LRRIQ3: variants seen among roughly 807,000 people sequenced by gnomAD.
LRRIQ3 encodes leucine-rich repeat and IQ domain-containing protein 3.
Under a neutral mutation model 59.3 loss-of-function variants are expected in LRRIQ3, and 75 were observed. That is an observed-to-expected ratio of 1.26 (90% CI 1.05 to 1.53). The LOEUF is 1.53. LRRIQ3 is among the 40% of genes most tolerant of loss of function. LRRIQ3 has a pLI of 0.00. For missense variants in LRRIQ3, 831 were observed against 710.0 expected, an observed-to-expected ratio of 1.17 and a Z score of -1.94; for synonymous variants, 250 against 231.3, an observed-to-expected ratio of 1.08 and a Z score of -0.73.
chr1:74,036,899 T>C (rs1653889078), intron 7 of LRRIQ3, among the ~76,000 whole-genome samples: 1 of 152,248 alleles, frequency 6.6e-6, no homozygotes, highest in Non-Finnish European at 1.5e-5. Flanking sequence ...CTTAGTCTAA[T>C]GATTAGTGAA....
chr1:74,178,495 T>C (rs1006988155), intron 3 of LRRIQ3, among the ~76,000 whole-genome samples: 16 of 152,196 alleles, frequency 1.1e-4, no homozygotes, highest in Admixed American at 9.2e-4. Flanking sequence ...ATTATACATA[T>C]GATTTTTATA....
intron 5 of LRRIQ3, among the ~76,000 whole-genome samples, chr1:74,094,304 G>A (rs555468384): frequency 6.6e-6 from 1 of 152,210 alleles, no homozygotes; most frequent in Admixed American, 6.6e-5. Context: ...GATATTTGCA[G>A]ATGTGATTAA....
At chr1:74,051,505 A>G (rs1654368546) in intron 6 of LRRIQ3, among the ~76,000 whole-genome samples, 1 of 152,196 alleles carries the variant, frequency 6.6e-6, no homozygotes, top group Non-Finnish European at 1.5e-5. Flanking sequence ...TATTAGTGGT[A>G]TATTAAATCA....
intron 7 of LRRIQ3, among the ~76,000 whole-genome samples, chr1:74,034,082 T>C (rs1452879896): frequency 6.6e-6 from 1 of 152,044 alleles, no homozygotes; most frequent in East Asian, 1.9e-4. Context: ...TTTTTTCTTT[T>C]ACTCTTTCTC....
In LRRIQ3 at chr1:74,106,643, G is replaced by T. The variant is rs1385551102; in HGVS notation, c.867+2751C>A. The stretch of plus-strand genomic sequence containing the variant: ...AAGTCAAAGCCCCGGTGGGGTATTA[G>T]TGTGTTTGCTATTACTCCCTGAACA... On this transcript the variant is annotated intron_variant, in intron 5 of 7. Transcript: ENST00000354431. 5.9e-5 allele frequency among the ~76,000 whole-genome samples: 9 copies of T among 152,088 alleles called. No individual in the cohort carries two copies. The East Asian group carries it at 1.6e-3, about 26-fold the overall frequency.
At chr1:74,058,076 A>G (rs1654590590) in intron 6 of LRRIQ3, among the ~76,000 whole-genome samples, 1 of 152,088 alleles carries the variant, frequency 6.6e-6, no homozygotes, top group Non-Finnish European at 1.5e-5. Context: ...CAAAAAACAA[A>G]TACTAGTGAG....
intron 7 of LRRIQ3, among the ~76,000 whole-genome samples, chr1:74,032,230 A>G (rs1272544066): frequency 6.6e-6 from 1 of 152,080 alleles, no homozygotes; most frequent in African/African-American, 2.4e-5. Flanking sequence ...ATGAAAATGC[A>G]AAGGTCCTAG....
At chr1:74,159,586 A>C (rs966344099) in intron 3 of LRRIQ3, among the ~76,000 whole-genome samples, 1 of 152,084 alleles carries the variant, frequency 6.6e-6, no homozygotes, top group African/African-American at 2.4e-5. Flanking sequence ...GCAAACATTT[A>C]AACATTTGAT....
intron 3 of LRRIQ3, among the ~76,000 whole-genome samples, chr1:74,167,986 CTGA>C (rs1649092896): frequency 6.6e-6 from 1 of 151,868 alleles, no homozygotes; most frequent in Non-Finnish European, 1.5e-5. Flanking sequence ...GGGATAGTTG[CTGA>C]TATTTGATTT....
intron 5 of LRRIQ3, among the ~76,000 whole-genome samples, chr1:74,084,732 G>A (rs1430947189): frequency 6.6e-6 from 1 of 151,606 alleles, no homozygotes; most frequent in Non-Finnish European, 1.5e-5. Flanking sequence ...ACCTTTAATA[G>A]TAGTAAAAAG....
chr1:74,060,221 G>C (rs12751527), intron 6 of LRRIQ3, among the ~76,000 whole-genome samples: 11,318 of 53,498 alleles, frequency 0.21, 887 homozygotes, highest in South Asian at 0.3. Context: ...TCTTCTTCTT[G>C]TTCTTCTTCT....
intron 5 of LRRIQ3, among the ~76,000 whole-genome samples, chr1:74,079,105 A>G (rs1348103351): frequency 4.0e-5 from 6 of 151,680 alleles, no homozygotes; most frequent in Non-Finnish European, 8.9e-5. Flanking sequence ...TGCCTTCACC[A>G]TGGCTTTTAT....
chr1:74,196,755 A>C (rs1651172543), intron 1 of LRRIQ3, among the ~76,000 whole-genome samples: 1 of 152,138 alleles, frequency 6.6e-6, no homozygotes, highest in Non-Finnish European at 1.5e-5. Context: ...CCAGAATCTG[A>C]CCAACTTCTC....
chr1:74,054,632 A>G lies in LRRIQ3; in HGVS notation c.998-12699T>C, dbSNP rs200668218. Reference sequence around the variant, plus strand: ...GTGGATAATGAAAGAGGTTCTGCGTATATTGAAACAGACTGTTATGGAAAA... The same window carrying G: ...GTGGATAATGAAAGAGGTTCTGCGTGTATTGAAACAGACTGTTATGGAAAA... On this transcript the variant is annotated intron_variant, in intron 6 of 7. Transcript: ENST00000354431. Among the ~76,000 whole-genome samples the G allele has an allele frequency of 2.0e-5, 3 of 151,710 alleles. No individual in the cohort carries two copies. In the East Asian group the frequency reaches 5.8e-4, roughly 29 times the overall value.
intron 4 of LRRIQ3, among the ~76,000 whole-genome samples, chr1:74,133,069 CT>C (rs1289023228): frequency 2.6e-5 from 4 of 152,128 alleles, no homozygotes; most frequent in African/African-American, 4.8e-5. Context: ...ACAGACACTT[CT>C]CAAAAGAAGA....
chr1:74,181,661 T>C (rs1649983498), intron 3 of LRRIQ3: 1 of 151,856 alleles, frequency 6.6e-6, no homozygotes, highest in East Asian at 1.9e-4. Context: ...TTTTTAACTA[T>C]TAGTACAAAA....
chr1:74,185,804 G>C (rs191376635), intron 1 of LRRIQ3, among the ~76,000 whole-genome samples: 1 of 151,816 alleles, frequency 6.6e-6, no homozygotes, highest in East Asian at 1.9e-4. Context: ...TTAGCCGGAC[G>C]TGGTGGCGGG....
intron 6 of LRRIQ3, among the ~76,000 whole-genome samples, chr1:74,047,429 C>G (rs939896021): frequency 1.3e-5 from 2 of 152,050 alleles, no homozygotes; most frequent in Non-Finnish European, 2.9e-5. Context: ...ACATCACATA[C>G]TGGGACCTGT....
At chr1:74,122,178 G>T (rs1380365290) in intron 4 of LRRIQ3, among the ~76,000 whole-genome samples, 1 of 152,132 alleles carries the variant, frequency 6.6e-6, no homozygotes, top group East Asian at 1.9e-4. Context: ...CACAATGGTT[G>T]AACTAGTGTA....
Sources: gnomAD v4.1 joint callset for allele counts (sites outside exome capture counted in the v4.1 genomes callset) on GRCh38, gnomAD v4.1.1 for gene constraint, MANE v1.5 for transcripts, NCBI Gene and HGNC (gene_info 2026-07-23, HGNC 2026-07-21) for gene names.